The following EIPR1 variants were observed in gnomAD, a reference collection of about 807,000 sequenced individuals.
EIPR1 encodes EARP complex and GARP complex interacting protein 1.
In EIPR1, 25 loss-of-function variants were observed where a neutral mutation model predicts 48.1. The observed-to-expected ratio is 0.52, with a 90% CI of 0.38 to 0.73. EIPR1 has a LOEUF of 0.73. EIPR1 is among the 30% of genes least tolerant of loss of function. The pLI is 0.00. For missense variants in EIPR1, 415 were observed against 506.2 expected (o/e 0.82, Z 1.73); for synonymous variants, 204 against 201.9 (o/e 1.01, Z -0.09).
intron 3 of EIPR1, 81 bp from the exon 4 acceptor site, chr2:3,257,536 C>A (rs1667198867): frequency 7.2e-6 from 11 of 1,533,842 alleles, no homozygotes; most frequent in South Asian, 1.2e-5. Flanking sequence ...CACATTTACA[C>A]AAATCCATAA....
At chr2:3,313,326 G>A (rs1057108761) in intron 3 of EIPR1, among the ~76,000 whole-genome samples, 2 of 152,176 alleles carry the variant, frequency 1.3e-5, no homozygotes, top group East Asian at 1.9e-4. Context: ...GAAGAAGATC[G>A]AAGGCTGAGA....
At chr2:3,276,809 A>C (rs1667862630) in intron 3 of EIPR1, among the ~76,000 whole-genome samples, 1 of 152,258 alleles carries the variant, frequency 6.6e-6, no homozygotes, top group Non-Finnish European at 1.5e-5. Flanking sequence ...TGGTTGTTTT[A>C]ATAAGGAACA....
At chr2:3,314,097 A>C (rs1016241798) in intron 3 of EIPR1, among the ~76,000 whole-genome samples, 1 of 152,188 alleles carries the variant, frequency 6.6e-6, no homozygotes, top group Non-Finnish European at 1.5e-5. Context: ...CACGCTGGCC[A>C]TATGTCATTG....
intron 2 of EIPR1, among the ~76,000 whole-genome samples, chr2:3,347,850 G>C (rs1572472255): frequency 1.3e-5 from 2 of 152,326 alleles, no homozygotes; most frequent in East Asian, 3.9e-4. Flanking sequence ...GGAGCCTCTG[G>C]ATCAGGCCTC....
chr2:3,243,120 C>T (rs946543478), intron 4 of EIPR1, among the ~76,000 whole-genome samples: 7 of 152,216 alleles, frequency 4.6e-5, no homozygotes, highest in African/African-American at 1.7e-4. Context: ...TCAGACATCT[C>T]TCACTGGGAC....
chr2:3,259,403 C>A (rs1438219136), intron 3 of EIPR1, among the ~76,000 whole-genome samples: 1 of 152,148 alleles, frequency 6.6e-6, no homozygotes. Flanking sequence ...ACGTTGCCCT[C>A]AATAAAGCAA....
intron 3 of EIPR1, among the ~76,000 whole-genome samples, chr2:3,322,059 G>C (rs1669545827): frequency 6.6e-6 from 1 of 152,202 alleles, no homozygotes; most frequent in African/African-American, 2.4e-5. Flanking sequence ...GATGTCCAAA[G>C]ACCTGGGCCC....
In EIPR1 at chr2:3,371,064, A is replaced by G. The variant is rs563734015; in HGVS notation, c.42+6584T>C. ...CTCGGCAGAAACTCTACAAGCCAGG[A>G]GAGAGTAGGGGCCAATATTCAACAT... is the stretch of plus-strand genomic sequence containing the variant. On this transcript the variant is annotated intron_variant, in intron 1 of 8. Coordinates refer to ENST00000382125, the MANE Select transcript of EIPR1 (RefSeq NM_003310.5). 1.4e-3 allele frequency among the ~76,000 whole-genome samples: 214 copies of G among 152,348 alleles called. 1 individual carries two copies. Among genetic ancestry groups the G allele is most frequent in the African/African-American group, 5.1e-3 (214 of 41,578 alleles).
chr2:3,267,251 G>A (rs1435830755), intron 3 of EIPR1, among the ~76,000 whole-genome samples: 2 of 152,244 alleles, frequency 1.3e-5, no homozygotes, highest in South Asian at 2.1e-4. Context: ...TGGCTACAGA[G>A]CCAATGATGA....
At chr2:3,338,790 A>G (rs1191270501) in intron 2 of EIPR1, among the ~76,000 whole-genome samples, 1 of 152,230 alleles carries the variant, frequency 6.6e-6, no homozygotes, top group African/African-American at 2.4e-5. Flanking sequence ...AAAGTTAAAT[A>G]TACTATCTCC....
chr2:3,209,365 C>A (rs1038480445), intron 5 of EIPR1, among the ~76,000 whole-genome samples: 1 of 152,190 alleles, frequency 6.6e-6, no homozygotes, highest in East Asian at 1.9e-4. Context: ...ACAGAAACCA[C>A]GTACTCCAGA....
intron 3 of EIPR1, among the ~76,000 whole-genome samples, chr2:3,269,703 T>G (rs1017732876): frequency 8.8e-4 from 127 of 144,200 alleles, no homozygotes; most frequent in East Asian, 2.8e-3. Context: ...ATCATCACAC[T>G]CAATCATCGC....
At chr2:3,260,497 T>G (rs996620007) in intron 3 of EIPR1, among the ~76,000 whole-genome samples, 3 of 38,134 alleles carry the variant, frequency 7.9e-5, no homozygotes, top group African/African-American at 1.0e-4. Flanking sequence ...TCTCAAAAAA[T>G]GAAGGAAGGA....
At chr2:3,308,053 C>T (rs1669000974) in intron 3 of EIPR1, among the ~76,000 whole-genome samples, 1 of 152,204 alleles carries the variant, frequency 6.6e-6, no homozygotes, top group African/African-American at 2.4e-5. Context: ...CCAGGAAGAA[C>T]ATTCCAGCGC....
intron 3 of EIPR1, among the ~76,000 whole-genome samples, chr2:3,305,001 CGTCCAGTTCAACCCTCCACTCCT>C (rs1668885583): frequency 1.0e-3 from 125 of 120,564 alleles, no homozygotes; most frequent in African/African-American, 1.3e-3. Context: ...CCTCCACTCC[CGTCCAGTTCAACCCTCCACTCCT>C]GTCCAGTTCA....
chr2:3,198,191 C>T (rs573375121), intron 5 of EIPR1, among the ~76,000 whole-genome samples: 2 of 152,346 alleles, frequency 1.3e-5, no homozygotes, highest in South Asian at 4.1e-4. Flanking sequence ...AGGTAAAGGG[C>T]TTTCTGGAAA....
At chr2:3,205,442 T>TGAAGGCAGAAAGCAGTCAC (rs547821391) in intron 5 of EIPR1, among the ~76,000 whole-genome samples, 114 of 152,330 alleles carry the variant, frequency 7.5e-4, no homozygotes, top group African/African-American at 2.7e-3. Flanking sequence ...CTTGCAGTCA[T>TGAAGGCAGAAAGCAGTCAC]GAAGGCAGAA....
At chr2:3,308,340 CAAAT>C (rs936368261) in intron 3 of EIPR1, among the ~76,000 whole-genome samples, 45 of 151,788 alleles carry the variant, frequency 3.0e-4, no homozygotes, top group Non-Finnish European at 4.7e-4. Context: ...TCTCTTGAAA[CAAAT>C]AAAGGGAAAA....
chr2:3,246,883 G>A (rs1225900115), intron 4 of EIPR1, among the ~76,000 whole-genome samples: 9 of 71,726 alleles, frequency 1.3e-4, no homozygotes, highest in East Asian at 4.2e-4. Flanking sequence ...GAGGGAGGGA[G>A]GGAGGGAGGG....
Sources: allele counts gnomAD v4.1 joint callset (sites outside exome capture counted in the v4.1 genomes callset), GRCh38; gene constraint gnomAD v4.1.1; transcripts MANE v1.5; gene names NCBI Gene and HGNC (gene_info 2026-07-23, HGNC 2026-07-21).